The following NNT variants were observed in gnomAD, a reference collection of about 807,000 sequenced individuals.
NNT encodes nicotinamide nucleotide transhydrogenase.
In NNT, 50 loss-of-function variants were observed where a neutral mutation model predicts 104.8. The ratio of observed to expected loss-of-function variants is 0.48; its 90% confidence interval spans 0.38 to 0.60. The LOEUF (loss-of-function observed/expected upper bound fraction) is 0.60, where lower values mean the gene tolerates loss of function less well. NNT is among the 20% of genes least tolerant of loss of function. NNT has a pLI of 0.00. For synonymous variants in NNT, 461 were observed against 490.4 expected, an observed-to-expected ratio of 0.94 and a Z score of 0.79; for missense variants, 1,131 against 1,330.7, an observed-to-expected ratio of 0.85 and a Z score of 2.33.
Position 43,704,769 on chromosome 5 carries a change from T to G in NNT, c.*365T>G. ...AAGTGTTTAGGATTTCAAGACAACA[T>G]TATACATGGCTCTGAAATATCTGAC... On this transcript the variant is annotated 3_prime_UTR_variant, in exon 22 of 22. Transcript: ENST00000344920. 1 of 191,376 alleles carries G rather than the reference T, an allele frequency of 5.2e-6. No individual in the cohort carries two copies. Among genetic ancestry groups the G allele is most frequent in the Non-Finnish European group, 1.1e-5 (1 of 92,138 alleles). 11.9% of individuals were successfully genotyped at this position (191,376 alleles called of 1,614,324 possible). A position where few individuals can be genotyped will look rare whatever the true frequency, so the allele number is the denominator to read the frequency against.
chr5:43,628,464 G>A (rs927976262), intron 7 of NNT, 77 bp downstream of exon 7: 4 of 1,121,794 alleles, frequency 3.6e-6, no homozygotes, highest in Non-Finnish European at 4.9e-6. Context: ...GTGAATGATT[G>A]CTTAACATTT....
At chr5:43,680,588 C>T (rs76961953) in intron 19 of NNT, among the ~76,000 whole-genome samples, 110 of 152,276 alleles carry the variant, frequency 7.2e-4, no homozygotes, top group African/African-American at 2.5e-3. Context: ...CAAGAAAAAT[C>T]GCATCTGTCA....
intron 17 of NNT, among the ~76,000 whole-genome samples, chr5:43,666,185 C>T (rs1165780834): frequency 6.6e-6 from 1 of 152,146 alleles, no homozygotes. Flanking sequence ...ACTTCCTAGA[C>T]GGGGTGGTGG....
chr5:43,623,997 A>G (rs1750231460), intron 5 of NNT, 35 bp from the exon 6 acceptor site: 1 of 1,591,954 alleles, frequency 6.3e-7, no homozygotes, highest in Non-Finnish European at 8.6e-7. Flanking sequence ...TTAGTTGATA[A>G]TGAGCCTTAA....
intron 21 of NNT, 97 bp downstream of exon 21, chr5:43,702,833 C>G (rs773011240): frequency 9.3e-6 from 8 of 861,686 alleles, no homozygotes; most frequent in Non-Finnish European, 1.1e-5. Flanking sequence ...AATGATGATG[C>G]CTTCTAGGAG....
chr5:43,684,059 C>G (rs940589597), intron 19 of NNT, among the ~76,000 whole-genome samples: 8 of 152,302 alleles, frequency 5.3e-5, no homozygotes, highest in South Asian at 2.1e-4. Context: ...GACAGCTCAT[C>G]TCTTTGGGTG....
intron 10 of NNT, among the ~76,000 whole-genome samples, chr5:43,647,620 C>T (rs1333197801): frequency 2.0e-5 from 3 of 152,186 alleles, no homozygotes; most frequent in Non-Finnish European, 2.9e-5. Flanking sequence ...CAGCCTTTCT[C>T]TTCCTCTGTT....
intron 7 of NNT, among the ~76,000 whole-genome samples, chr5:43,632,654 C>T (rs887839656): frequency 3.6e-4 from 55 of 152,264 alleles, no homozygotes; most frequent in Admixed American, 1.4e-3. Context: ...CTGACAGCCC[C>T]GCTTTGTGGT....
chr5:43,683,751 T>C (rs1480182564), intron 19 of NNT, among the ~76,000 whole-genome samples: 1 of 152,236 alleles, frequency 6.6e-6, no homozygotes, highest in Non-Finnish European at 1.5e-5. Flanking sequence ...TAATTTTAAC[T>C]AAATCTCTAT....
intron 12 of NNT, among the ~76,000 whole-genome samples, chr5:43,650,901 T>C (rs1406028639): frequency 6.6e-6 from 1 of 152,186 alleles, no homozygotes; most frequent in Non-Finnish European, 1.5e-5. Flanking sequence ...TTAGTATAAT[T>C]TTAGATAAAA....
At chr5:43,653,290 ATAAT>A in intron 14 of NNT, 77 bp downstream of exon 14, 1 of 1,334,600 alleles carries the variant, frequency 7.5e-7, no homozygotes, top group Admixed American at 2.6e-5. Context: ...TATTGATGAA[ATAAT>A]TAAATTTTGT....
chr5:43,703,622 CT>C (rs1225899226), intron 21 of NNT, among the ~76,000 whole-genome samples: 1 of 152,118 alleles, frequency 6.6e-6, no homozygotes, highest in African/African-American at 2.4e-5. Flanking sequence ...TAAGAAATGA[CT>C]TGATATTCAG....
intron 5 of NNT, among the ~76,000 whole-genome samples, chr5:43,622,594 C>T (rs543296065): frequency 8.6e-4 from 131 of 152,232 alleles, no homozygotes; most frequent in Admixed American, 1.8e-3. Flanking sequence ...CATATGCCTA[C>T]GGTGTAACAG....
In NNT at chr5:43,644,739, T is replaced by C; in HGVS notation, c.1227T>C (p.Asp409=). 6.2e-7 allele frequency: 1 copy of C among 1,614,188 alleles called. No individual in the cohort carries two copies. Among genetic ancestry groups the C allele is most frequent in the Non-Finnish European group, 8.5e-7 (1 of 1,180,028 alleles). The change falls in exon 9 of 22, where the codon GAT becomes GAC. Residue 409 remains aspartate, a synonymous_variant. Coordinates refer to ENST00000344920, the MANE Select transcript of NNT (RefSeq NM_182977.3). ...ISPDKDNFYF[D]VKDDFDFGTM... ...CGGACAAAGATAATTTTTATTTTGATGTGAAAGATGACTTTGACTTTGGTA... is the reference window on the plus strand; with the variant it reads ...CGGACAAAGATAATTTTTATTTTGACGTGAAAGATGACTTTGACTTTGGTA...
In NNT at chr5:43,700,102, A is replaced by G; in HGVS notation, c.2877-17A>G. The G allele has an allele frequency of 6.2e-7, 1 of 1,600,334 alleles. No individual in the cohort carries two copies. The highest frequency in any genetic ancestry group is 8.6e-7 in the Non-Finnish European group (1 of 1,169,160). ...TCCTGTCAAGTAAGGCCAGCTCTTC[A>G]TTTGTTTCATGTCTAGGTTTGGAAT... On this transcript the variant is annotated splice_polypyrimidine_tract_variant and intron_variant, in intron 19 of 21. Coordinates refer to ENST00000344920, the MANE Select transcript of NNT (RefSeq NM_182977.3).
Position 43,624,023 on chromosome 5 carries a change from G to C in NNT, c.688-9G>C. The C allele has an allele frequency of 6.2e-7, 1 of 1,613,960 alleles. No individual in the cohort carries two copies. Among genetic ancestry groups the C allele is most frequent in the Non-Finnish European group, 8.5e-7 (1 of 1,179,838 alleles). On this transcript the variant is annotated splice_polypyrimidine_tract_variant and intron_variant, in intron 5 of 21. Transcript: ENST00000344920. Reference sequence around the variant, plus strand: ...TGAGCCTTAACACATAACTGGGTCTGTCTTCTAGATTCTGATAGTTGGTGG... The same window carrying C: ...TGAGCCTTAACACATAACTGGGTCTCTCTTCTAGATTCTGATAGTTGGTGG...
Position 43,644,240 on chromosome 5 carries a change from AG to A in NNT, c.1015del (p.Glu339LysfsTer8). ...LFNKEMIESM[K>X]EGSVVVDLAA... is the part of the protein sequence containing the mutation. Reference sequence around the variant, plus strand: ...AATAAAGAAATGATTGAGTCAATGAAGGAAGGTTCAGTTGTTGTGGATTTAG... The same window carrying A: ...AATAAAGAAATGATTGAGTCAATGAAGAAGGTTCAGTTGTTGTGGATTTAG... On this transcript the variant is annotated frameshift_variant, in exon 8 of 22. Transcript: ENST00000344920. LOFTEE classifies it high-confidence loss of function. 6.2e-7 allele frequency: 1 copy of A among 1,612,798 alleles called. No individual in the cohort carries two copies. Among genetic ancestry groups the A allele is most frequent in the Non-Finnish European group, 8.5e-7 (1 of 1,179,546 alleles).
At chr5:43,616,181 C>A (rs1749777262) in intron 4 of NNT, 116 bp downstream of exon 4, 2 of 850,876 alleles carry the variant, frequency 2.4e-6, no homozygotes, top group Non-Finnish European at 3.7e-6. Context: ...GAGATTACAG[C>A]CTTTTGAGAG....
intron 19 of NNT, among the ~76,000 whole-genome samples, chr5:43,698,695 A>C (rs1331911090): frequency 6.6e-6 from 1 of 152,070 alleles, no homozygotes; most frequent in Non-Finnish European, 1.5e-5. Context: ...AATTGGTTTC[A>C]TTATATCTTG....
Sources: gnomAD v4.1 joint callset for allele counts (sites outside exome capture counted in the v4.1 genomes callset) on GRCh38, gnomAD v4.1.1 for gene constraint, MANE v1.5 for transcripts, NCBI Gene and HGNC (gene_info 2026-07-23, HGNC 2026-07-21) for gene names.